The following ABCB6 variants were observed in gnomAD, a reference collection of about 807,000 sequenced individuals.
The protein encoded by ABCB6 is ATP binding cassette subfamily B member 6 (LAN blood group), also known as ATP-binding cassette sub-family B member 6.
Under a neutral mutation model 99.4 loss-of-function variants are expected in ABCB6, and 87 were observed. The ratio of observed to expected loss-of-function variants is 0.88; its 90% CI spans 0.74 to 1.05. The LOEUF is 1.05. Among genes scored for constraint, ABCB6 ranks in the 50% least tolerant of loss-of-function variants. The probability of loss-of-function intolerance (pLI) is 0.00; values close to 1 mark genes in which losing one functional copy is unlikely to be tolerated. For missense variants in ABCB6, 1,050 were observed against 1,097.9 expected (o/e 0.96, Z 0.62); for synonymous variants, 482 against 447.5 (o/e 1.08, Z -0.97).
chr2:219,210,295 G>C lies in ABCB6; in HGVS notation c.2355C>G (p.Leu785=), dbSNP rs776219571. The C allele has an allele frequency of 4.3e-6, 7 of 1,614,116 alleles. No individual in the cohort carries two copies. The South Asian group carries it at 5.5e-5, about 13-fold the overall frequency. The change falls in exon 18 of 19, where the codon CTC becomes CTG. Residue 785 remains leucine, a synonymous_variant. Transcript: ENST00000265316. The stretch of plus-strand genomic sequence containing the variant: ...TCTGGTCAGCATTGACCACAGTTGA[G>C]AGCCTGAGAAGTCAAAGATCAGTCG... ...NRTTIVVAHR[L]STVVNADQIL... is the part of the protein sequence containing the mutation.
rs113201298 is a variant in ABCB6 at position 219,217,673 on chromosome 2, G to A, written c.684C>T (p.Ser228=). The change falls in exon 2 of 19, where the codon AGC becomes AGT. Residue 228 remains serine, a synonymous_variant. Coordinates refer to ENST00000265316, the MANE Select transcript of ABCB6 (RefSeq NM_005689.4). The part of the protein sequence containing the change: ...VHEEDQDVER[S]QVRSAAQQST... The stretch of plus-strand genomic sequence containing the variant: ...AAAAAAAGAAACTGAGGTGTACCTG[G>A]CTCCTTTCCACATCTTGGTCCTCTT... The A allele has an allele frequency of 1.9e-6, 3 of 1,598,192 alleles. No homozygotes were observed. Among genetic ancestry groups the A allele is most frequent in the Admixed American group, 1.8e-5 (1 of 55,528 alleles).
At position 219,217,976 on chromosome 2, in the gene ABCB6, C is replaced by A. The variant is rs190917307; in HGVS notation, c.549+149G>T. On this transcript the variant is annotated intron_variant, in intron 1 of 18. Coordinates refer to ENST00000265316, the MANE Select transcript of ABCB6 (RefSeq NM_005689.4). Reference sequence around the variant, plus strand: ...ACTCAGCAAAGACACACCCCACCAGCTGGCTATCAGCTCCCGGCAGGACTC... The same window carrying A: ...ACTCAGCAAAGACACACCCCACCAGATGGCTATCAGCTCCCGGCAGGACTC... 6.7e-4 allele frequency: 910 copies of A among 1,355,828 alleles called. 8 individuals are homozygous for A. In the African/African-American group the frequency reaches 0.012, roughly 17 times the overall value. The allele number at this position is 1,355,828 out of a possible 1,614,324, so 84.0% of individuals were successfully genotyped here.
chr2:219,218,519 C>G lies in ABCB6; in HGVS notation c.155G>C (p.Arg52Pro). 6.2e-7 allele frequency: 1 copy of G among 1,610,200 alleles called. No homozygotes were observed. The highest frequency in any genetic ancestry group is 1.1e-5 in the South Asian group (1 of 90,834). ...ATCAGCACCAGCGGGCCGCTCCCGG[C>G]GTCTGCAGGGAAGAGCCAGCACCAA... ...LALVLALPCR[R>P]RERPAGADSL... Residue 52 changes from arginine to proline, a missense_variant, in exon 1 of 19, where the codon CGC (arginine) becomes CCC (proline). Physicochemically the swap from Arg to Pro is moderately radical, Grantham distance 103. Coordinates refer to ENST00000265316, the MANE Select transcript of ABCB6 (RefSeq NM_005689.4).
rs1424308855 is a variant in ABCB6, at chr2:219,217,761, A to G, written c.596T>C (p.Leu199Pro). The change falls in exon 2 of 19, where the codon CTG (leucine) becomes CCG (proline). Residue 199 changes from leucine (L) to proline (P), a missense_variant. Physicochemically the swap from Leu to Pro is moderately conservative, Grantham distance 98 (BLOSUM62 -3). Coordinates refer to ENST00000265316, the MANE Select transcript of ABCB6 (RefSeq NM_005689.4). ...AGGGGCCCAGAGACCCAGGACAAACAGCCCTCCAGAGACCACATACCGCAG... is the reference window on the plus strand; with the variant it reads ...AGGGGCCCAGAGACCCAGGACAAACGGCCCTCCAGAGACCACATACCGCAG... The part of the protein sequence containing the change: ...WVLRYVVSGG[L>P]FVLGLWAPGL... The G allele has an allele frequency of 6.2e-7, 1 of 1,614,070 alleles. No homozygotes were observed. The highest frequency in any genetic ancestry group is 2.2e-5 in the East Asian group (1 of 44,886).
At position 219,210,257 on chromosome 2, in the gene ABCB6, TTGA is replaced by T. The variant is rs1211706353; in HGVS notation, c.2390_2392del (p.Ile797del). ...TCCCCTCTCCACGATGCAGCCATCC[TTGA>T]TGACGAGGATCTGGTCAGCATTGAC... On this transcript the variant is annotated inframe_deletion, in exon 18 of 19. Transcript: ENST00000265316. The T allele has an allele frequency of 6.2e-7, 1 of 1,614,140 alleles. No individual in the cohort carries two copies. The highest frequency in any genetic ancestry group is 8.5e-7 in the Non-Finnish European group (1 of 1,180,054).
rs770192410 is a variant in ABCB6, at chr2:219,210,303, G to A, written c.2352-5C>T. On this transcript the variant is annotated splice_polypyrimidine_tract_variant and splice_region_variant and intron_variant, in intron 17 of 18. Transcript: ENST00000265316. ...GCATTGACCACAGTTGAGAGCCTGA[G>A]AAGTCAAAGATCAGTCGCCTACTAC... 2 of 1,614,104 alleles carry A rather than the reference G, an allele frequency of 1.2e-6. No individual in the cohort carries two copies. The highest frequency in any genetic ancestry group is 2.2e-5 in the East Asian group (1 of 44,896).
Position 219,213,655 on chromosome 2 carries a change from A to G in ABCB6, c.1590T>C (p.Tyr530=). 2 of 1,614,194 alleles carry G rather than the reference A, an allele frequency of 1.2e-6. No individual in the cohort carries two copies. Among genetic ancestry groups the G allele is most frequent in the East Asian group, 2.2e-5 (1 of 44,870 alleles). The part of the protein sequence containing the change: ...VTEQKLQVGD[Y]VLFGTYIIQL... ...GGATAATGTAGGTGCCAAAGAGCAC[A>G]TAGTCCCCAACCTGTGGCAATCAAG... Residue 530 remains tyrosine (Y), a synonymous_variant, in exon 10 of 19, where the codon TAT becomes TAC. Transcript: ENST00000265316.
intron 2 of ABCB6, among the ~76,000 whole-genome samples, chr2:219,217,207 A>C (rs1950652215): frequency 6.6e-6 from 1 of 151,988 alleles, no homozygotes; most frequent in South Asian, 2.1e-4. Flanking sequence ...AAAAATACAA[A>C]AATTAGCCGG....
chr2:219,216,229 G>A lies in ABCB6; in HGVS notation c.971-49C>T, dbSNP rs769781617. 38 of 1,565,554 alleles carry A rather than the reference G, an allele frequency of 2.4e-5. 1 individual carries two copies. In the South Asian group the frequency reaches 3.0e-4, roughly 13 times the overall value. On this transcript the variant is annotated intron_variant, in intron 4 of 18. Transcript: ENST00000265316. This position sits in a 1 kb window ranked among gnomAD's most constrained non-coding sequence, Gnocchi z 4.2. ...CAGTAGGGCCTGGGAGCTGAGGGAC[G>A]TCAGCCCAGCACCAGGATGTGAAAG...
chr2:219,216,957 G>A lies in ABCB6; in HGVS notation c.688-125C>T. The A allele has an allele frequency of 1.2e-6, 1 of 800,268 alleles. No individual in the cohort carries two copies. The highest frequency in any genetic ancestry group is 1.9e-6 in the Non-Finnish European group (1 of 525,112). 49.6% of individuals were successfully genotyped at this position (800,268 alleles called of 1,614,324 possible). ...TATCTCAGACCCACAAGTGATCCTT[G>A]ATGGGGTCAGAAAAACTAAGTTGCA... On this transcript the variant is annotated intron_variant, in intron 2 of 18. Coordinates refer to ENST00000265316, the MANE Select transcript of ABCB6 (RefSeq NM_005689.4). The surrounding 1 kb of genome is among the most constrained non-coding windows in gnomAD (Gnocchi z 4.2).
At chr2:219,211,163 G>A (rs1950574775) in intron 14 of ABCB6, 55 bp from the exon 15 acceptor site, 1 of 1,595,682 alleles carries the variant, frequency 6.3e-7, no homozygotes. Flanking sequence ...AGGCCTGGGA[G>A]GCAGGGTGGG....
chr2:219,216,640 C>A lies in ABCB6; in HGVS notation c.868+12G>T. 6.4e-7 allele frequency: 1 copy of A among 1,551,120 alleles called. No individual in the cohort carries two copies. Among genetic ancestry groups the A allele is most frequent in the South Asian group, 1.2e-5 (1 of 84,484 alleles). On this transcript the variant is annotated intron_variant, in intron 3 of 18. Coordinates refer to ENST00000265316, the MANE Select transcript of ABCB6 (RefSeq NM_005689.4). The surrounding 1 kb of genome is among the most constrained non-coding windows in gnomAD (Gnocchi z 4.2). Reference sequence around the variant, plus strand: ...AGGACCAGCACACTGAGCTGGTGCTCCTCCTGCTCACCAATGTTCCTATAG... The same window carrying A: ...AGGACCAGCACACTGAGCTGGTGCTACTCCTGCTCACCAATGTTCCTATAG...
Position 219,218,105 on chromosome 2 carries a change from C to G in ABCB6, c.549+20G>C. On this transcript the variant is annotated intron_variant, in intron 1 of 18. Coordinates refer to ENST00000265316, the MANE Select transcript of ABCB6 (RefSeq NM_005689.4). ...AAGCCCGGCCAGCAGAGGCTTCCCCCTTCCCACAGAGTCCCTCACCTGCTG... is the reference window on the plus strand; with the variant it reads ...AAGCCCGGCCAGCAGAGGCTTCCCCGTTCCCACAGAGTCCCTCACCTGCTG... 1 of 1,581,292 alleles carries G rather than the reference C, an allele frequency of 6.3e-7. No individual in the cohort carries two copies. Among genetic ancestry groups the G allele is most frequent in the Non-Finnish European group, 8.6e-7 (1 of 1,163,966 alleles).
chr2:219,210,507 GCCACTCAAAAC>G (rs1458068690), intron 16 of ABCB6, 32 bp from the exon 17 acceptor site: 2 of 1,609,498 alleles, frequency 1.2e-6, no homozygotes, highest in African/African-American at 2.7e-5. Flanking sequence ...AACTGCTCCT[GCCACTCAAAAC>G]CCTCAATGGA....
chr2:219,214,034 C>T (rs1950609827), intron 8 of ABCB6, 83 bp from the exon 9 acceptor site: 1 of 1,612,558 alleles, frequency 6.2e-7, no homozygotes, highest in Non-Finnish European at 8.5e-7. Context: ...GCCCCTTCTA[C>T]CCCAACACTC....
Position 219,216,027 on chromosome 2 carries a change from C to T in ABCB6, c.1124G>A (p.Arg375Gln), listed in dbSNP as rs754667801. ...CAGCCCTGTGACACTGGATGTGCCC[C>T]GATCCGCGATCCGCAGCACCTCCCC... Reference protein sequence around the residue: ...RTGEVLRIADRGTSSVTGLLS... With the variant: ...RTGEVLRIADQGTSSVTGLLS... Residue 375 changes from arginine (R) to glutamine (Q), a missense_variant, in exon 5 of 19, where the codon CGG (arginine) becomes CAG (glutamine). Arg to Gln is a conservative substitution (Grantham distance 43). Transcript: ENST00000265316. The surrounding 1 kb of genome is among the most constrained non-coding windows in gnomAD (Gnocchi z 4.2). 1.2e-5 allele frequency: 19 copies of T among 1,599,024 alleles called. No individual in the cohort carries two copies. Among genetic ancestry groups the T allele is most frequent in the South Asian group, 6.7e-5 (6 of 89,778 alleles).
chr2:219,210,220 T>C lies in ABCB6; in HGVS notation c.2420+10A>G. 2 of 1,614,186 alleles carry C rather than the reference T, an allele frequency of 1.2e-6. No individual in the cohort carries two copies. Among genetic ancestry groups the C allele is most frequent in the Non-Finnish European group, 8.5e-7 (1 of 1,180,014 alleles). On this transcript the variant is annotated intron_variant, in intron 18 of 18. Coordinates refer to ENST00000265316, the MANE Select transcript of ABCB6 (RefSeq NM_005689.4). ...AGAAGACCTGTCCTTTTGATCTATG[T>C]GTCTCTTACCGTCCCCTCTCCACGA...
intron 14 of ABCB6, among the ~76,000 whole-genome samples, chr2:219,212,006 G>A (rs1217222151): frequency 2.6e-5 from 4 of 151,620 alleles, no homozygotes; most frequent in Non-Finnish European, 2.9e-5. Flanking sequence ...CTTGTGATCC[G>A]CCCACCTCAG....
At chr2:219,211,836 T>C (rs1950582783) in intron 14 of ABCB6, among the ~76,000 whole-genome samples, 1 of 150,158 alleles carries the variant, frequency 6.7e-6, no homozygotes, top group South Asian at 2.1e-4. Context: ...CCATCTCGGC[T>C]CACTGCAAGC....
Sources: gnomAD v4.1 joint callset for allele counts (sites outside exome capture counted in the v4.1 genomes callset) on GRCh38, gnomAD v4.1.1 for gene constraint, Gnocchi (gnomAD v3.1) non-coding constraint, MANE v1.5 for transcripts, NCBI Gene and HGNC (gene_info 2026-07-23, HGNC 2026-07-21) for gene names.